Variants in BMS1 observed in about 807,000 individuals in gnomAD.
BMS1 encodes ribosome biogenesis protein BMS1 homolog.
BMS1 carries 53 observed loss-of-function variants against 138.7 expected under a neutral mutation model. The observed-to-expected ratio is 0.38, with a 90% CI of 0.31 to 0.48. The LOEUF is 0.48. Ranked by LOEUF, BMS1 falls within the 20% of genes least tolerant of loss-of-function variation. The pLI is 0.97. For synonymous variants in BMS1, 504 were observed against 539.9 expected (o/e 0.93, Z 0.92); for missense variants, 1,360 against 1,565.5 (o/e 0.87, Z 2.22).
At chr10:42,795,738 T>G (rs1473711783) in intron 9 of BMS1, among the ~76,000 whole-genome samples, 1 of 152,226 alleles carries the variant, frequency 6.6e-6, no homozygotes, top group Non-Finnish European at 1.5e-5. Flanking sequence ...ACAGTTTTCT[T>G]TTATCCTGTG....
intron 21 of BMS1, among the ~76,000 whole-genome samples, chr10:42,825,535 GTT>G (rs1842613866): frequency 6.6e-6 from 1 of 152,136 alleles, no homozygotes; most frequent in African/African-American, 2.4e-5. Context: ...TTATTCCTAA[GTT>G]TTTGTTTTTC....
At position 42,802,168 on chromosome 10, in the gene BMS1, C is replaced by T. The variant is rs370533022; in HGVS notation, c.2279C>T (p.Thr760Ile). 2 of 1,613,296 alleles carry T rather than the reference C, an allele frequency of 1.2e-6. No homozygotes were observed. The highest frequency in any genetic ancestry group is 2.7e-5 in the African/African-American group (2 of 74,892). Residue 760 changes from threonine to isoleucine, a missense_variant, in exon 13 of 23, where the codon ACT (threonine) becomes ATT (isoleucine). Physicochemically the swap from Thr to Ile is moderately conservative, Grantham distance 89 (BLOSUM62 -1). Transcript: ENST00000374518. Reference protein sequence around the residue: ...VMNSIRDCFVTGKWEDDKDAA... With the variant: ...VMNSIRDCFVIGKWEDDKDAA... ...AACAGTATCAGAGATTGCTTCGTGA[C>T]TGGAAAGTGGGAAGATGATAAAGAT...
intron 9 of BMS1, among the ~76,000 whole-genome samples, chr10:42,795,114 T>A (rs1841637038): frequency 6.8e-6 from 1 of 146,910 alleles, no homozygotes; most frequent in African/African-American, 2.5e-5. Flanking sequence ...TATGGCTGCA[T>A]AGTATTCCAT....
At position 42,834,733 on chromosome 10, in the gene BMS1, T is replaced by G. The variant is rs1842846034; in HGVS notation, c.*3637T>G. On this transcript the variant is annotated 3_prime_UTR_variant, in exon 23 of 23. Coordinates refer to ENST00000374518, the MANE Select transcript of BMS1 (RefSeq NM_014753.4). ...TTGGAGGAATCTTTTAAGTCTTTTCTTAAGCAAAGTTTGGACACTCTAAAA... is the reference window on the plus strand; with the variant it reads ...TTGGAGGAATCTTTTAAGTCTTTTCGTAAGCAAAGTTTGGACACTCTAAAA... 1 of 152,126 alleles carries G rather than the reference T, an allele frequency of 6.6e-6. No individual in the cohort carries two copies. Among genetic ancestry groups the G allele is most frequent in the Non-Finnish European group, 1.5e-5 (1 of 68,022 alleles). The allele number at this position is 152,126 out of a possible 1,614,324, so 9.4% of individuals were successfully genotyped here. A position where few individuals can be genotyped will look rare whatever the true frequency, so the allele number is the denominator to read the frequency against.
At chr10:42,785,093 G>A (rs1244589719) in intron 2 of BMS1, among the ~76,000 whole-genome samples, 5 of 152,292 alleles carry the variant, frequency 3.3e-5, no homozygotes, top group Admixed American at 6.5e-5. Context: ...CAGTAAGTAG[G>A]AGAGCTAAAT....
At position 42,797,348 on chromosome 10, in the gene BMS1, G is replaced by A. The variant is rs147764571; in HGVS notation, c.1988-74G>A. 7.6e-6 allele frequency: 12 copies of A among 1,585,446 alleles called. No individual in the cohort carries two copies. In the African/African-American group the frequency reaches 1.5e-4, roughly 20 times the overall value. ...TGATTTTGTTAACTGTTGAAAAGCT[G>A]CATTGTGGATGGATCTCAAGGGAGG... On this transcript the variant is annotated intron_variant, in intron 10 of 22. Transcript: ENST00000374518.
intron 14 of BMS1, among the ~76,000 whole-genome samples, chr10:42,817,022 C>T (rs910058542): frequency 1.3e-5 from 2 of 152,128 alleles, no homozygotes; most frequent in Non-Finnish European, 2.9e-5. Flanking sequence ...CCTAGTATTT[C>T]TTTAGAACAG....
intron 5 of BMS1, among the ~76,000 whole-genome samples, chr10:42,790,787 G>T (rs1209745432): frequency 2.0e-5 from 3 of 151,874 alleles, no homozygotes; most frequent in Admixed American, 6.6e-5. Flanking sequence ...GAGGCAGAGG[G>T]TGCAGTGAGC....
intron 13 of BMS1, among the ~76,000 whole-genome samples, chr10:42,806,904 A>G (rs1842028827): frequency 6.6e-6 from 1 of 152,210 alleles, no homozygotes; most frequent in Non-Finnish European, 1.5e-5. Context: ...GATCTCCTGT[A>G]TCTTGTACTA....
chr10:42,808,331 C>A (rs1842070718), intron 13 of BMS1, among the ~76,000 whole-genome samples: 1 of 151,328 alleles, frequency 6.6e-6, no homozygotes, highest in Admixed American at 6.6e-5. Context: ...CAGAGTCTCT[C>A]TCTGTTGCCC....
chr10:42,817,643 T>A, intron 15 of BMS1, 149 bp downstream of exon 15: 1 of 705,874 alleles, frequency 1.4e-6, no homozygotes, highest in South Asian at 2.7e-5. Flanking sequence ...GAGATGCATG[T>A]GAGTGTGTTT....
intron 15 of BMS1, 129 bp downstream of exon 15, chr10:42,817,623 C>T: frequency 1.1e-6 from 1 of 885,510 alleles, no homozygotes. Context: ...TTCATTCGGA[C>T]TCCTGGGTAG....
At chr10:42,826,172 A>T (rs949276726) in intron 21 of BMS1, among the ~76,000 whole-genome samples, 4 of 151,722 alleles carry the variant, frequency 2.6e-5, no homozygotes, top group Non-Finnish European at 4.4e-5. Context: ...ATTTGCTAAA[A>T]TTTTTTTAGG....
Position 42,787,204 on chromosome 10 carries a change from G to A in BMS1, c.404G>A (p.Cys135Tyr). 7.0e-7 allele frequency: 1 copy of A among 1,421,902 alleles called. No homozygotes were observed. The allele number at this position is 1,421,902 out of a possible 1,614,324, so 88.1% of individuals were successfully genotyped here. ...KRRLTIIECG[C>Y]DINMMIDLAK... ...AGACTCACCATTATTGAATGTGGGT[G>A]TGACATTAACATGATGATTGATCTG... Residue 135 changes from cysteine (C) to tyrosine (Y), a missense_variant, in exon 4 of 23, where the codon TGT becomes TAT. Transcript: ENST00000374518.
At chr10:42,791,932 G>T (rs972609170) in intron 6 of BMS1, among the ~76,000 whole-genome samples, 163 bp downstream of exon 6, 1 of 152,154 alleles carries the variant, frequency 6.6e-6, no homozygotes, top group African/African-American at 2.4e-5. Flanking sequence ...CAAAGATGCC[G>T]TGCCTTTGGG....
At chr10:42,822,818 G>T (rs540609514) in intron 19 of BMS1, among the ~76,000 whole-genome samples, 3 of 152,190 alleles carry the variant, frequency 2.0e-5, no homozygotes, top group Non-Finnish European at 2.9e-5. Flanking sequence ...TCTGAGAGAT[G>T]CCAGGAAAGG....
intron 21 of BMS1, among the ~76,000 whole-genome samples, chr10:42,829,181 G>A (rs538825510): frequency 5.3e-4 from 81 of 152,100 alleles, no homozygotes; most frequent in African/African-American, 1.6e-3. Context: ...GCGTGGTGGC[G>A]GGCGCCTGTA....
chr10:42,821,253 G>C (rs1409367224), intron 18 of BMS1, among the ~76,000 whole-genome samples: 1 of 152,068 alleles, frequency 6.6e-6, no homozygotes, highest in African/African-American at 2.4e-5. Flanking sequence ...CTTAAGCAGT[G>C]CTCACCATGT....
intron 13 of BMS1, 43 bp downstream of exon 13, chr10:42,802,261 A>T: frequency 6.4e-7 from 1 of 1,554,972 alleles, no homozygotes; most frequent in Middle Eastern, 1.7e-4. Flanking sequence ...GGCTTCTCTA[A>T]ACTTTATTTT....
Sources: gnomAD v4.1 joint callset for allele counts (sites outside exome capture counted in the v4.1 genomes callset) on GRCh38, gnomAD v4.1.1 for gene constraint, MANE v1.5 for transcripts, NCBI Gene and HGNC (gene_info 2026-07-23, HGNC 2026-07-21) for gene names.